MAST1: variants seen among roughly 807,000 people sequenced by gnomAD.
MAST1 encodes the protein microtubule-associated serine/threonine-protein kinase 1.
In MAST1, 40 loss-of-function variants were observed where a neutral mutation model predicts 124.6. The observed-to-expected ratio is 0.32, with a 90% CI of 0.25 to 0.42. The LOEUF (loss-of-function observed/expected upper bound fraction) is 0.42, where lower values mean the gene tolerates loss of function less well. Among genes scored for constraint, MAST1 ranks in the 10% least tolerant of loss-of-function variants. The probability of loss-of-function intolerance (pLI) is 1.00; values close to 1 mark genes in which losing one functional copy is unlikely to be tolerated. For synonymous variants in MAST1, 938 were observed against 939.4 expected (o/e 1.00, Z 0.03); for missense variants, 1,558 against 2,181.9 (o/e 0.71, Z 5.70).
At chr19:12,858,976 T>C in intron 12 of MAST1, 1 of 597,000 alleles carries the variant, frequency 1.7e-6, no homozygotes, top group South Asian at 2.1e-5. Context: ...TCTGACCCAT[T>C]ATCCATCCAT....
chr19:12,848,254 C>A (rs999464183), intron 7 of MAST1, 197 bp downstream of exon 7: 1 of 591,840 alleles, frequency 1.7e-6, no homozygotes, highest in Admixed American at 3.0e-5. Context: ...TTTCACCTCG[C>A]TCATTTCCCT....
In MAST1 at chr19:12,865,196, G is replaced by A. The variant is rs375054236; in HGVS notation, c.1638+18G>A. On this transcript the variant is annotated intron_variant, in intron 14 of 25. Transcript: ENST00000251472. This position sits in a 1 kb window ranked among gnomAD's most constrained non-coding sequence, Gnocchi z 7.1. ...ACAAACAGGTGTGTGTGCGGGCATG[G>A]GGGTCGCTGAGGGTGGAGTGACCCT... 5 of 1,612,028 alleles carry A rather than the reference G, an allele frequency of 3.1e-6. No homozygotes were observed. In the African/African-American group the frequency reaches 5.3e-5, roughly 17 times the overall value.
chr19:12,862,659 T>G (rs1018275727), intron 12 of MAST1, among the ~76,000 whole-genome samples: 5 of 121,776 alleles, frequency 4.1e-5, no homozygotes, highest in Non-Finnish European at 6.9e-5. Context: ...TTTCTTTTCC[T>G]TTTTTTTTTT....
intron 12 of MAST1, among the ~76,000 whole-genome samples, chr19:12,863,822 G>T (rs4614850): frequency 0.33 from 49,676 of 151,972 alleles, 8,587 homozygotes; most frequent in East Asian, 0.63. Context: ...GAGGGGCAGA[G>T]GCAGTGGCCA....
intron 4 of MAST1, among the ~76,000 whole-genome samples, chr19:12,845,411 C>CAAAAA (rs540488398): frequency 0.01 from 692 of 69,090 alleles, 38 homozygotes; most frequent in African/African-American, 0.039. Context: ...CCTGTTTCTA[C>CAAAAA]AAAAAAAAAA....
rs755137826 is a variant in MAST1 at position 12,874,731 on chromosome 19, C to A, written c.4574C>A (p.Thr1525Asn). Residue 1525 changes from threonine (T) to asparagine (N), a missense_variant, in exon 26 of 26, where the codon ACC becomes AAC. Coordinates refer to ENST00000251472, the MANE Select transcript of MAST1 (RefSeq NM_014975.3). The surrounding 1 kb of genome is among the most constrained non-coding windows in gnomAD (Gnocchi z 6.6). ...AKCSAPSSAV[T>N]PVPPASLLGS... ...TGCAGTGCACCCAGCAGTGCAGTGACCCCAGTCCCACCCGCATCCCTCTTG... is the reference window on the plus strand; with the variant it reads ...TGCAGTGCACCCAGCAGTGCAGTGAACCCAGTCCCACCCGCATCCCTCTTG... 1.2e-6 allele frequency: 2 copies of A among 1,600,462 alleles called. No individual in the cohort carries two copies. The highest frequency in any genetic ancestry group is 8.5e-7 in the Non-Finnish European group (1 of 1,170,074).
At chr19:12,868,470 G>A (rs1970190867) in intron 20 of MAST1, 173 bp from the exon 21 acceptor site, 8 of 581,666 alleles carry the variant, frequency 1.4e-5, no homozygotes, top group Middle Eastern at 4.6e-4. Flanking sequence ...GATACAGACC[G>A]ATACAGACTA....
chr19:12,863,184 G>C (rs1353426531), intron 12 of MAST1, among the ~76,000 whole-genome samples: 1 of 144,602 alleles, frequency 6.9e-6, no homozygotes, highest in African/African-American at 2.5e-5. Flanking sequence ...AAAAAAAAGA[G>C]AAAAAGAAAA....
In MAST1 at chr19:12,843,316, G is replaced by C. The variant is rs1439125901; in HGVS notation, c.249-213G>C. Among the ~76,000 whole-genome samples the C allele has an allele frequency of 6.6e-6, 1 of 152,042 alleles. No individual in the cohort carries two copies. The highest frequency in any genetic ancestry group is 2.4e-5 in the African/African-American group (1 of 41,380). On this transcript the variant is annotated intron_variant, in intron 3 of 25. Transcript: ENST00000251472. This position sits in a 1 kb window ranked among gnomAD's most constrained non-coding sequence, Gnocchi z 4.9. ...TGATAAGAGAGGGGACCGTGGGGAG[G>C]AGAGTGGAGACGGATCCTCCCTCCA...
chr19:12,873,076 T>C (rs1191557761), intron 24 of MAST1, among the ~76,000 whole-genome samples: 1 of 151,122 alleles, frequency 6.6e-6, no homozygotes, highest in African/African-American at 2.4e-5. Flanking sequence ...GCAGAACAGG[T>C]TGGTTTTGTT....
Position 12,866,014 on chromosome 19 carries a change from T to C in MAST1, c.1941T>C (p.Phe647=). The C allele has an allele frequency of 6.2e-7, 1 of 1,614,110 alleles. No homozygotes were observed. The highest frequency in any genetic ancestry group is 1.1e-5 in the South Asian group (1 of 91,090). ...GAFEVKQHSF[F]RDLDWTGLLR... ...TTGAGGTGAAGCAGCACAGTTTCTTTCGAGACCTGGACTGGACAGGGCTGC... is the reference window on the plus strand; with the variant it reads ...TTGAGGTGAAGCAGCACAGTTTCTTCCGAGACCTGGACTGGACAGGGCTGC... Residue 647 remains phenylalanine, a synonymous_variant, in exon 17 of 26, where the codon TTT becomes TTC. Transcript: ENST00000251472. This position sits in a 1 kb window ranked among gnomAD's most constrained non-coding sequence, Gnocchi z 5.2.
chr19:12,861,384 C>T (rs753186454), intron 12 of MAST1, among the ~76,000 whole-genome samples: 1 of 152,118 alleles, frequency 6.6e-6, no homozygotes, highest in Non-Finnish European at 1.5e-5. Context: ...ATAGTGAGGA[C>T]ATGAGGTCCA....
Position 12,874,332 on chromosome 19 carries a change from A to G in MAST1, c.4175A>G (p.Gln1392Arg). 1 of 1,596,518 alleles carries G rather than the reference A, an allele frequency of 6.3e-7. No individual in the cohort carries two copies. Among genetic ancestry groups the G allele is most frequent in the Non-Finnish European group, 8.5e-7 (1 of 1,177,956 alleles). ...CGGGACGTCGGCTGCACGCGGCATCAGAGCGTGCAGACGGAGGATGGCACT... is the reference window on the plus strand; with the variant it reads ...CGGGACGTCGGCTGCACGCGGCATCGGAGCGTGCAGACGGAGGATGGCACT... Reference protein sequence around the residue: ...LERDVGCTRHQSVQTEDGTGG... With the variant: ...LERDVGCTRHRSVQTEDGTGG... The change falls in exon 26 of 26, where the codon CAG becomes CGG. Residue 1392 changes from glutamine (Q) to arginine (R), a missense_variant. Gln to Arg is a conservative substitution (Grantham distance 43, BLOSUM62 1). Transcript: ENST00000251472. This position sits in a 1 kb window ranked among gnomAD's most constrained non-coding sequence, Gnocchi z 6.6.
chr19:12,849,097 T>G (rs1343757693), intron 7 of MAST1: 1 of 152,694 alleles, frequency 6.5e-6, no homozygotes, highest in African/African-American at 2.4e-5. Flanking sequence ...TTCATGTCTA[T>G]CCTTCTCCAA....
In MAST1 at chr19:12,838,734, C is replaced by T; in HGVS notation, c.83+79C>T. 6.0e-6 allele frequency: 8 copies of T among 1,327,072 alleles called. No homozygotes were observed. Among genetic ancestry groups the T allele is most frequent in the Non-Finnish European group, 8.3e-6 (8 of 967,136 alleles). The allele number at this position is 1,327,072 out of a possible 1,614,324, so 82.2% of individuals were successfully genotyped here. A position where few individuals can be genotyped will look rare whatever the true frequency, so the allele number is the denominator to read the frequency against. ...CTCCGGGTACTGCTGCAGGGCGGGG[C>T]CCGGGATGCTGCGCCCGGTCCAGCT... On this transcript the variant is annotated intron_variant, in intron 1 of 25. Transcript: ENST00000251472. The surrounding 1 kb of genome is among the most constrained non-coding windows in gnomAD (Gnocchi z 4.3).
chr19:12,854,611 G>A (rs1218260837), intron 10 of MAST1, among the ~76,000 whole-genome samples: 6 of 152,176 alleles, frequency 3.9e-5, no homozygotes, highest in Admixed American at 3.9e-4. Flanking sequence ...ACATTGGGTT[G>A]TCCATCTTTC....
In MAST1 at chr19:12,847,184, CTGG is replaced by C. The variant is rs1360773304; in HGVS notation, c.328-105_328-103del. The C allele has an allele frequency of 1.4e-6, 1 of 725,920 alleles. No individual in the cohort carries two copies. Among genetic ancestry groups the C allele is most frequent in the African/African-American group, 1.8e-5 (1 of 56,694 alleles). The allele number at this position is 725,920 out of a possible 1,614,324, so 45.0% of individuals were successfully genotyped here. ...AAGGATCGTAAATCAGGTCCTGATC[CTGG>C]CCTTGCCCAGTGACCCCATCGGCTT... On this transcript the variant is annotated intron_variant, in intron 4 of 25. Transcript: ENST00000251472. The surrounding 1 kb of genome is among the most constrained non-coding windows in gnomAD (Gnocchi z 5.5).
chr19:12,848,944 G>A (rs1969930011), intron 7 of MAST1: 1 of 152,194 alleles, frequency 6.6e-6, no homozygotes, highest in Non-Finnish European at 1.5e-5. Flanking sequence ...AGCAACAAGA[G>A]TGAAACTCTG....
At chr19:12,864,070 G>A (rs900060281) in intron 12 of MAST1, among the ~76,000 whole-genome samples, 3 of 151,886 alleles carry the variant, frequency 2.0e-5, no homozygotes, top group Non-Finnish European at 4.4e-5. Context: ...GATTACAGCC[G>A]TCTGCCAACA....
Sources: allele counts gnomAD v4.1 joint callset (sites outside exome capture counted in the v4.1 genomes callset), GRCh38; gene constraint gnomAD v4.1.1; non-coding constraint Gnocchi (gnomAD v3.1); transcripts MANE v1.5; gene names NCBI Gene and HGNC (gene_info 2026-07-23, HGNC 2026-07-21).